CNTN5: variants seen among roughly 807,000 people sequenced by gnomAD.
CNTN5 encodes the protein contactin-5.
CNTN5 carries 77 observed loss-of-function variants against 129.1 expected under a neutral mutation model. The ratio of observed to expected loss-of-function variants is 0.60; its 90% confidence interval spans 0.50 to 0.72. The LOEUF (loss-of-function observed/expected upper bound fraction) is 0.72. Among genes scored for constraint, CNTN5 ranks in the 30% least tolerant of loss-of-function variants. CNTN5 has a pLI of 0.00. For synonymous variants in CNTN5, 509 were observed against 465.6 expected, an observed-to-expected ratio of 1.09 and a Z score of -1.20; for missense variants, 1,478 against 1,328.8, an observed-to-expected ratio of 1.11 and a Z score of -1.75.
At chr11:99,163,702 G>T (rs1860731452) in intron 1 of CNTN5, among the ~76,000 whole-genome samples, 1 of 152,108 alleles carries the variant, frequency 6.6e-6, no homozygotes, top group South Asian at 2.1e-4. Context: ...GGCAGTTTCA[G>T]ATTTTAATAA....
intron 4 of CNTN5, among the ~76,000 whole-genome samples, chr11:99,838,103 G>C (rs1054218821): frequency 6.6e-6 from 1 of 151,912 alleles, no homozygotes; most frequent in South Asian, 2.1e-4. Context: ...AGTAGAATTG[G>C]GTAAAAAACT....
intron 3 of CNTN5, among the ~76,000 whole-genome samples, chr11:99,774,333 T>C (rs34843165): frequency 6.9e-6 from 1 of 145,542 alleles, no homozygotes; most frequent in Admixed American, 6.8e-5. Flanking sequence ...AAACTTCAGG[T>C]TTTTTTTTTG....
chr11:99,710,386 A>G (rs1170469117), intron 3 of CNTN5, among the ~76,000 whole-genome samples: 1 of 151,824 alleles, frequency 6.6e-6, no homozygotes, highest in Non-Finnish European at 1.5e-5. Flanking sequence ...TAAAACTACT[A>G]CAGCCATACT....
intron 3 of CNTN5, among the ~76,000 whole-genome samples, chr11:99,773,297 AT>A (rs1945006752): frequency 6.6e-6 from 1 of 152,134 alleles, no homozygotes; most frequent in South Asian, 2.1e-4. Flanking sequence ...CCCCAAAGAA[AT>A]TATCTGTTTT....
intron 4 of CNTN5, 120 bp from the exon 5 acceptor site, chr11:99,844,732 T>A: frequency 1.2e-6 from 1 of 867,886 alleles, no homozygotes; most frequent in Non-Finnish European, 1.8e-6. Context: ...TTTGGGAATT[T>A]ACCTGTTGAT....
At position 99,556,276 on chromosome 11, in the gene CNTN5, G is replaced by C; in HGVS notation, c.55+7G>C. On this transcript the variant is annotated splice_region_variant and intron_variant, in intron 3 of 24. Coordinates refer to ENST00000524871, the MANE Select transcript of CNTN5 (RefSeq NM_014361.4). ...GTCACCATGTGTCTTTCAGGTAAAA[G>C]TCCTGATTAATTAATTATTTGATTT... 6.7e-7 allele frequency: 1 copy of C among 1,501,098 alleles called. No individual in the cohort carries two copies. Among genetic ancestry groups the C allele is most frequent in the Non-Finnish European group, 9.0e-7 (1 of 1,112,500 alleles). The allele number at this position is 1,501,098 out of a possible 1,614,324, so 93.0% of individuals were successfully genotyped here. A position where few individuals can be genotyped will look rare whatever the true frequency, so the allele number is the denominator to read the frequency against.
intron 4 of CNTN5, among the ~76,000 whole-genome samples, chr11:99,825,938 TC>T (rs1946942120): frequency 6.6e-6 from 1 of 152,124 alleles, no homozygotes; most frequent in African/African-American, 2.4e-5. Context: ...AAATACAACA[TC>T]TTTCTTTTCA....
intron 4 of CNTN5, among the ~76,000 whole-genome samples, chr11:99,821,415 CAGAAA>C (rs1946797225): frequency 6.6e-6 from 1 of 151,902 alleles, no homozygotes; most frequent in Admixed American, 6.6e-5. Flanking sequence ...AATTAGCAGA[CAGAAA>C]AGAAAGAAAA....
At chr11:99,828,802 T>C (rs772560992) in intron 4 of CNTN5, among the ~76,000 whole-genome samples, 19 of 152,166 alleles carry the variant, frequency 1.2e-4, no homozygotes, top group Non-Finnish European at 1.8e-4. Context: ...ATGTTGATGA[T>C]GTATTTTAGT....
chr11:99,683,317 C>T (rs1953642884), intron 3 of CNTN5, among the ~76,000 whole-genome samples: 1 of 151,764 alleles, frequency 6.6e-6, no homozygotes, highest in Non-Finnish European at 1.5e-5. Context: ...TATCATGTAT[C>T]ATTTGAGGTA....
At chr11:99,645,628 A>G (rs1181783637) in intron 3 of CNTN5, among the ~76,000 whole-genome samples, 6 of 152,148 alleles carry the variant, frequency 3.9e-5, no homozygotes, top group Non-Finnish European at 1.5e-5. Context: ...ATAAAAAAGG[A>G]TGAGTTCATG....
chr11:100,155,949 A>G (rs1478665328), intron 13 of CNTN5, among the ~76,000 whole-genome samples: 3 of 152,140 alleles, frequency 2.0e-5, no homozygotes, highest in Admixed American at 2.0e-4. Context: ...GTCATCTGCA[A>G]ACAGAGACAA....
intron 3 of CNTN5, among the ~76,000 whole-genome samples, chr11:99,670,899 G>C (rs1300617732): frequency 2.6e-5 from 4 of 152,136 alleles, no homozygotes; most frequent in African/African-American, 9.7e-5. Context: ...TGCATGTAAA[G>C]TGGGTAGAAT....
intron 3 of CNTN5, among the ~76,000 whole-genome samples, chr11:99,790,046 G>C (rs1394176964): frequency 6.6e-6 from 1 of 152,040 alleles, no homozygotes; most frequent in Non-Finnish European, 1.5e-5. Context: ...TTCTGTTGCT[G>C]TGTTAATTCA....
chr11:99,854,334 T>C (rs917548800), intron 6 of CNTN5, among the ~76,000 whole-genome samples: 3 of 152,206 alleles, frequency 2.0e-5, no homozygotes, highest in African/African-American at 7.2e-5. Context: ...GCATGGAAGT[T>C]TGTAATTTGC....
chr11:100,304,070 T>A (rs1245069610), intron 20 of CNTN5, among the ~76,000 whole-genome samples: 5 of 151,588 alleles, frequency 3.3e-5, no homozygotes, highest in Non-Finnish European at 7.4e-5. Flanking sequence ...TACCCCCATA[T>A]TACATGAAGA....
At chr11:100,150,198 A>G (rs762310320) in intron 13 of CNTN5, among the ~76,000 whole-genome samples, 1 of 152,146 alleles carries the variant, frequency 6.6e-6, no homozygotes, top group Non-Finnish European at 1.5e-5. Flanking sequence ...ATTTTTCTCA[A>G]TTAAATATAT....
At chr11:100,291,751 T>TAATAAATAAATAAATA (rs201648211) in intron 18 of CNTN5, among the ~76,000 whole-genome samples, 3 of 123,686 alleles carry the variant, frequency 2.4e-5, no homozygotes, top group African/African-American at 8.4e-5. Flanking sequence ...TAAAGTATAA[T>TAATAAATAAATAAATA]AATAAATAAA....
At chr11:99,876,521 T>G (rs1196046344) in intron 6 of CNTN5, among the ~76,000 whole-genome samples, 1 of 152,114 alleles carries the variant, frequency 6.6e-6, no homozygotes, top group African/African-American at 2.4e-5. Context: ...GATGTTGCAT[T>G]AAGGAGTACA....
Sources: gnomAD v4.1 joint callset for allele counts (sites outside exome capture counted in the v4.1 genomes callset) on GRCh38, gnomAD v4.1.1 for gene constraint, MANE v1.5 for transcripts, NCBI Gene and HGNC (gene_info 2026-07-23, HGNC 2026-07-21) for gene names.